SLC9A6: variants seen among roughly 807,000 people sequenced by gnomAD.
SLC9A6 encodes sodium/hydrogen exchanger 6.
SLC9A6 carries 6 observed loss-of-function variants against 45.3 expected under a neutral mutation model. The observed-to-expected ratio is 0.13, with a 90% CI of 0.07 to 0.26. The LOEUF is 0.26. SLC9A6 is among the 10% of genes least tolerant of loss of function. The pLI is 1.00. For synonymous variants in SLC9A6, 191 were observed against 187.7 expected (o/e 1.02, Z -0.14); for missense variants, 278 against 503.7 (o/e 0.55, Z 4.29).
intron 16 of SLC9A6, among the ~76,000 whole-genome samples, chrX:136,036,777 A>C (rs1285883315): frequency 8.8e-6 from 1 of 113,074 alleles, no homozygotes; most frequent in East Asian, 2.8e-4. Context: ...TCTGTGTCTT[A>C]AGAAATCTTC....
chrX:136,024,213 T>G, intron 12 of SLC9A6, 117 bp from the exon 13 acceptor site: 1 of 714,102 alleles, frequency 1.4e-6, no homozygotes, highest in South Asian at 2.2e-5. Flanking sequence ...TGTTAATATT[T>G]ACTGCATATT....
chrX:136,042,207 C>T (rs1381596297), intron 17 of SLC9A6, among the ~76,000 whole-genome samples: 2 of 107,868 alleles, frequency 1.9e-5, no homozygotes, highest in African/African-American at 3.4e-5. Flanking sequence ...CAGAGTCTCA[C>T]TCTGTCACCC....
chrX:136,035,263 C>T (rs1461657066), intron 16 of SLC9A6, among the ~76,000 whole-genome samples: 4 of 112,007 alleles, frequency 3.6e-5, no homozygotes, highest in Admixed American at 9.5e-5. Flanking sequence ...AAGTGTACAG[C>T]TTAATGAATT....
At chrX:135,975,981 C>CAAAAAAA (rs782541566) in intron 1 of SLC9A6, among the ~76,000 whole-genome samples, 60 of 62,126 alleles carry the variant, frequency 9.7e-4, no homozygotes, top group Non-Finnish European at 1.3e-3. Flanking sequence ...TTTCTCTAAC[C>CAAAAAAA]AAAAAAAAAA....
At chrX:135,988,608 T>C (rs1215272785) in intron 2 of SLC9A6, among the ~76,000 whole-genome samples, 1 of 108,309 alleles carries the variant, frequency 9.2e-6, no homozygotes, top group Non-Finnish European at 1.9e-5. Flanking sequence ...CTTTTTCCTT[T>C]TTTTATTTTT....
chrX:135,996,178 C>A (rs1260517946), intron 3 of SLC9A6, among the ~76,000 whole-genome samples: 1 of 107,781 alleles, frequency 9.3e-6, no homozygotes, highest in East Asian at 2.9e-4. Flanking sequence ...ACTACAGGCA[C>A]GTGCCACCAT....
intron 7 of SLC9A6, among the ~76,000 whole-genome samples, chrX:136,003,976 A>AT (rs1412999521): frequency 1.8e-5 from 2 of 108,258 alleles, no homozygotes; most frequent in Non-Finnish European, 3.8e-5. Flanking sequence ...AATGAGCAAT[A>AT]TTTTTTATCT....
intron 2 of SLC9A6, among the ~76,000 whole-genome samples, chrX:135,991,824 G>A (rs2089436400): frequency 9.2e-6 from 1 of 109,277 alleles, no homozygotes; most frequent in South Asian, 3.9e-4. Flanking sequence ...TTCTACTCCT[G>A]TGGGTTTTCC....
chrX:136,026,310 T>G (rs1190047345), intron 13 of SLC9A6, among the ~76,000 whole-genome samples: 2 of 111,948 alleles, frequency 1.8e-5, no homozygotes, highest in East Asian at 5.6e-4. Flanking sequence ...CCTTCACTGA[T>G]GAATTCTGTG....
intron 1 of SLC9A6, chrX:135,975,122 A>C (rs1174148750): frequency 1.7e-5 from 2 of 114,316 alleles, no homozygotes; most frequent in Non-Finnish European, 3.7e-5. Context: ...TATCACAAAT[A>C]TCTCTCCTTA....
chrX:136,040,165 G>GC lies in SLC9A6; in HGVS notation c.1756dup (p.Gln586ProfsTer12). 8.3e-7 allele frequency: 1 copy of GC among 1,206,913 alleles called. No homozygotes were observed. The highest frequency in any genetic ancestry group is 1.1e-6 in the Non-Finnish European group (1 of 891,670). On this transcript the variant is annotated frameshift_variant, in exon 17 of 18. Transcript: ENST00000630721. LOFTEE classifies it high-confidence loss of function. ...GGACCCATCGCCAGGTGCCTCACCA[G>GC]CCCCCAGGCTTACGAAGTAAGTTGG...
In SLC9A6 at chrX:136,040,122, A is replaced by C; in HGVS notation, c.1708A>C (p.Thr570Pro). 1 of 1,210,711 alleles carries C rather than the reference A, an allele frequency of 8.3e-7. No individual in the cohort carries two copies. Among genetic ancestry groups the C allele is most frequent in the Non-Finnish European group, 1.1e-6 (1 of 894,955 alleles). Residue 570 changes from threonine (T) to proline (P), a missense_variant, in exon 17 of 18, where the codon ACA becomes CCA. This residue lies in a region of SLC9A6 where 91 missense variants were observed against 125.1 expected (regional missense o/e 0.73). Coordinates refer to ENST00000630721, the MANE Select transcript of SLC9A6 (RefSeq NM_001379110.1). ...LTHSGPPLTT[T>P]LPACCGPIAR... ...CCACAGCGGGCCTCCGCTGACAACA[A>C]CACTCCCTGCCTGCTGTGGACCCAT...
At chrX:136,040,276 T>G in intron 17 of SLC9A6, 95 bp downstream of exon 17, 1 of 697,500 alleles carries the variant, frequency 1.4e-6, no homozygotes, top group Non-Finnish European at 2.2e-6. Context: ...TGGTTTGTTT[T>G]TTTGCCTTTG....
chrX:135,979,829 G>A (rs1556613730), intron 1 of SLC9A6, among the ~76,000 whole-genome samples: 1 of 110,665 alleles, frequency 9.0e-6, no homozygotes, highest in Non-Finnish European at 1.9e-5. Context: ...GCAGTGGCAC[G>A]ATCTCAGCTC....
rs2071294998 is a variant in SLC9A6 at position 136,030,169 on chromosome X, AT to A, written c.1581+8del. 1 of 1,205,004 alleles carries A rather than the reference AT, an allele frequency of 8.3e-7. No individual in the cohort carries two copies. The highest frequency in any genetic ancestry group is 1.1e-6 in the Non-Finnish European group (1 of 890,423). On this transcript the variant is annotated splice_region_variant and intron_variant, in intron 15 of 17. Coordinates refer to ENST00000630721, the MANE Select transcript of SLC9A6 (RefSeq NM_001379110.1). ...TTCAGACCAAGAACACTTGGTAAATATGCGTTTTTGTTGTTCCTGGCATTTC... is the reference window on the plus strand; with the variant it reads ...TTCAGACCAAGAACACTTGGTAAATAGCGTTTTTGTTGTTCCTGGCATTTC...
At chrX:136,002,678 C>G (rs1339987470) in intron 7 of SLC9A6, among the ~76,000 whole-genome samples, 1 of 109,400 alleles carries the variant, frequency 9.1e-6, no homozygotes, top group Non-Finnish European at 1.9e-5. Context: ...TCTCCTGCCT[C>G]AGCCTCCCGA....
In SLC9A6 at chrX:135,989,198, A is replaced by G. The variant is rs1163888909; in HGVS notation, c.169+3371A>G. Among the ~76,000 whole-genome samples the G allele has an allele frequency of 2.2e-4, 24 of 111,293 alleles. No individual in the cohort carries two copies. The Middle Eastern group carries it at 0.014, about 64-fold the overall frequency. The stretch of plus-strand genomic sequence containing the variant: ...AGGAGTAAAAACAGTTTAAATTGCC[A>G]AAGTGGTCAGTTTCTAGATTGTAAT... On this transcript the variant is annotated intron_variant, in intron 2 of 17. Coordinates refer to ENST00000630721, the MANE Select transcript of SLC9A6 (RefSeq NM_001379110.1).
intron 6 of SLC9A6, among the ~76,000 whole-genome samples, chrX:136,000,092 A>C (rs1355280499): frequency 9.3e-6 from 1 of 108,083 alleles, no homozygotes; most frequent in African/African-American, 3.4e-5. Context: ...TACAAAAAAA[A>C]AGAAAAAAAA....
At chrX:136,020,072 A>G (rs2071093494) in intron 11 of SLC9A6, among the ~76,000 whole-genome samples, 1 of 112,229 alleles carries the variant, frequency 8.9e-6, no homozygotes, top group South Asian at 3.7e-4. Flanking sequence ...TCATCACATT[A>G]TATGAAGGGT....
Sources: allele counts gnomAD v4.1 joint callset (sites outside exome capture counted in the v4.1 genomes callset), GRCh38; gene constraint gnomAD v4.1.1; regional missense constraint gnomAD v4.1.1; transcripts MANE v1.5; gene names NCBI Gene and HGNC (gene_info 2026-07-23, HGNC 2026-07-21).